Variants in KCNH7 observed in about 807,000 individuals in gnomAD.
KCNH7 encodes potassium voltage-gated channel subfamily H member 7.
KCNH7 carries 49 observed loss-of-function variants against 120.8 expected under a neutral mutation model. That is an observed-to-expected ratio of 0.41 (90% CI 0.32 to 0.51). The LOEUF (loss-of-function observed/expected upper bound fraction) is 0.51. Among genes scored for constraint, KCNH7 ranks in the 20% least tolerant of loss-of-function variants. The pLI is 0.38. For missense variants in KCNH7, 1,097 were observed against 1,446.6 expected, an observed-to-expected ratio of 0.76 and a Z score of 3.92; for synonymous variants, 547 against 516.1, an observed-to-expected ratio of 1.06 and a Z score of -0.81.
chr2:162,564,722 T>C lies in KCNH7; in HGVS notation c.308-27642A>G, dbSNP rs140548733. ...TTAGGATTAAGGAGGTACAACATAATATTTTTGCATCTGTAAAATTACTAC... is the reference window on the plus strand; with the variant it reads ...TTAGGATTAAGGAGGTACAACATAACATTTTTGCATCTGTAAAATTACTAC... On this transcript the variant is annotated intron_variant, in intron 2 of 15. Coordinates refer to ENST00000332142, the MANE Select transcript of KCNH7 (RefSeq NM_033272.4). Among the ~76,000 whole-genome samples the C allele has an allele frequency of 4.9e-3, 739 of 152,268 alleles. 8 individuals carry two copies. Among genetic ancestry groups the C allele is most frequent in the African/African-American group, 0.017 (702 of 41,560 alleles).
At position 162,391,818 on chromosome 2, in the gene KCNH7, A is replaced by G. The variant is rs1348929729; in HGVS notation, c.2710+2571T>C. On this transcript the variant is annotated intron_variant, in intron 12 of 15. Coordinates refer to ENST00000332142, the MANE Select transcript of KCNH7 (RefSeq NM_033272.4). ...TGACAACATTGTTAACCTGTTGTTC[A>G]TTTCCAGTAAGACAAACATAAGAGA... Among the ~76,000 whole-genome samples, 4 of 152,190 alleles carry G rather than the reference A, an allele frequency of 2.6e-5. No homozygotes were observed. The South Asian group carries it at 6.2e-4, about 24-fold the overall frequency.
At chr2:162,422,783 G>T (rs1687748191) in intron 9 of KCNH7, among the ~76,000 whole-genome samples, 1 of 152,124 alleles carries the variant, frequency 6.6e-6, no homozygotes, top group Non-Finnish European at 1.5e-5. Context: ...ACCAGGTACA[G>T]TAAAAGGGCA....
intron 2 of KCNH7, among the ~76,000 whole-genome samples, chr2:162,753,672 C>G (rs1212492454): frequency 6.6e-6 from 1 of 151,578 alleles, no homozygotes; most frequent in Non-Finnish European, 1.5e-5. Context: ...CGGTTGGGAT[C>G]CTAGAGGAGT....
chr2:162,616,394 G>A (rs780561245), intron 2 of KCNH7, among the ~76,000 whole-genome samples: 1 of 152,170 alleles, frequency 6.6e-6, no homozygotes, highest in Non-Finnish European at 1.5e-5. Flanking sequence ...AATGTGCCAC[G>A]TTGGGGGTGG....
chr2:162,730,127 T>C (rs1211225323), intron 2 of KCNH7, among the ~76,000 whole-genome samples: 1 of 150,778 alleles, frequency 6.6e-6, no homozygotes, highest in Non-Finnish European at 1.5e-5. Context: ...ATGGCCAAAT[T>C]AGAAAACTAG....
At chr2:162,648,989 G>A (rs1003918821) in intron 2 of KCNH7, among the ~76,000 whole-genome samples, 3 of 152,034 alleles carry the variant, frequency 2.0e-5, no homozygotes, top group African/African-American at 7.2e-5. Context: ...TCCAGGTTTT[G>A]GCAGGACATT....
chr2:162,480,054 T>C (rs957445817), intron 6 of KCNH7, among the ~76,000 whole-genome samples: 5 of 152,104 alleles, frequency 3.3e-5, no homozygotes, highest in Admixed American at 1.3e-4. Context: ...TTTTAAGACA[T>C]TAGGAGAGGA....
At chr2:162,424,105 G>A (rs1191927607) in intron 8 of KCNH7, among the ~76,000 whole-genome samples, 1 of 152,092 alleles carries the variant, frequency 6.6e-6, no homozygotes, top group Non-Finnish European at 1.5e-5. Flanking sequence ...TTTCCTTAGA[G>A]TGTTAATTTG....
intron 6 of KCNH7, among the ~76,000 whole-genome samples, chr2:162,459,708 T>C (rs1368395468): frequency 6.6e-6 from 1 of 152,110 alleles, no homozygotes; most frequent in African/African-American, 2.4e-5. Context: ...AAAATACCAA[T>C]AAAGCCACAT....
intron 1 of KCNH7, among the ~76,000 whole-genome samples, chr2:162,837,427 G>A (rs975458497): frequency 1.3e-5 from 2 of 152,060 alleles, no homozygotes; most frequent in African/African-American, 4.8e-5. Flanking sequence ...TTTACTTTGG[G>A]AGATCCTTGA....
At chr2:162,817,662 AT>A (rs144648596) in intron 2 of KCNH7, among the ~76,000 whole-genome samples, 1 of 152,240 alleles carries the variant, frequency 6.6e-6, no homozygotes, top group African/African-American at 2.4e-5. Context: ...TGTTTATGTC[AT>A]TTTTTAATCT....
intron 2 of KCNH7, among the ~76,000 whole-genome samples, chr2:162,788,370 T>A (rs755450093): frequency 6.6e-6 from 1 of 151,818 alleles, no homozygotes; most frequent in South Asian, 2.1e-4. Context: ...GAAATAAAAA[T>A]CAGGAGAACA....
At chr2:162,569,086 A>G (rs1167880339) in intron 2 of KCNH7, among the ~76,000 whole-genome samples, 5 of 152,086 alleles carry the variant, frequency 3.3e-5, no homozygotes, top group Non-Finnish European at 7.4e-5. Context: ...ATTGATTGGA[A>G]TAGTTTCAGA....
At chr2:162,624,992 G>A (rs1683502254) in intron 2 of KCNH7, among the ~76,000 whole-genome samples, 1 of 150,234 alleles carries the variant, frequency 6.7e-6, no homozygotes, top group Non-Finnish European at 1.5e-5. Context: ...CCACCTCCGA[G>A]GTTCAAGGAA....
intron 7 of KCNH7, among the ~76,000 whole-genome samples, chr2:162,440,814 T>C (rs192934854): frequency 1.2e-4 from 18 of 152,240 alleles, no homozygotes; most frequent in African/African-American, 4.3e-4. Context: ...TTGAACTCAC[T>C]TTGGCTTTCT....
intron 2 of KCNH7, among the ~76,000 whole-genome samples, chr2:162,766,864 TACACACACACAC>T (rs200638624): frequency 1.7e-3 from 236 of 141,606 alleles, no homozygotes; most frequent in African/African-American, 4.1e-3. Flanking sequence ...CTAAGCACAT[TACACACACACAC>T]ACACACACAC....
At chr2:162,580,352 T>A (rs76366900) in intron 2 of KCNH7, among the ~76,000 whole-genome samples, 3,487 of 152,184 alleles carry the variant, frequency 0.023, 129 homozygotes, top group East Asian at 0.18. Context: ...ATTTTATGAT[T>A]CATTTTGTAA....
intron 9 of KCNH7, among the ~76,000 whole-genome samples, chr2:162,403,797 A>T (rs917827428): frequency 1.3e-5 from 2 of 152,088 alleles, no homozygotes; most frequent in Admixed American, 1.3e-4. Context: ...GATTAGTTCT[A>T]TAGTTTTAAT....
chr2:162,621,277 T>C (rs12986681), intron 2 of KCNH7, among the ~76,000 whole-genome samples: 1 of 143,098 alleles, frequency 7.0e-6, no homozygotes, highest in African/African-American at 2.6e-5. Flanking sequence ...TTTTTTTTTT[T>C]AAGAGAGAGA....
Sources: gnomAD v4.1 joint callset for allele counts (sites outside exome capture counted in the v4.1 genomes callset) on GRCh38, gnomAD v4.1.1 for gene constraint, MANE v1.5 for transcripts, NCBI Gene and HGNC (gene_info 2026-07-23, HGNC 2026-07-21) for gene names.